KIRREL1: variants seen among roughly 807,000 people sequenced by gnomAD.
KIRREL1 encodes kin of IRRE-like protein 1.
In KIRREL1, 25 loss-of-function variants were observed where a neutral mutation model predicts 83.3. That is an observed-to-expected ratio of 0.30 (90% CI 0.22 to 0.42). The LOEUF is 0.42. Ranked by LOEUF, KIRREL1 falls within the 10% of genes least tolerant of loss-of-function variation. The pLI is 1.00. For synonymous variants in KIRREL1, 388 were observed against 410.4 expected, an observed-to-expected ratio of 0.95 and a Z score of 0.66; for missense variants, 812 against 1,032.3, an observed-to-expected ratio of 0.79 and a Z score of 2.92.
intron 1 of KIRREL1, among the ~76,000 whole-genome samples, chr1:158,036,105 GT>G (rs1377282365): frequency 1.3e-5 from 2 of 152,180 alleles, no homozygotes; most frequent in Admixed American, 1.3e-4. Flanking sequence ...AAGTGTTGTA[GT>G]TTGTTTGTGT....
At chr1:158,027,122 C>A (rs763675987) in intron 1 of KIRREL1, among the ~76,000 whole-genome samples, 3 of 152,198 alleles carry the variant, frequency 2.0e-5, no homozygotes, top group Admixed American at 2.0e-4. Context: ...GTTTTACCTG[C>A]GCTTCTGACT....
At chr1:158,080,973 C>T (rs571782134) in intron 3 of KIRREL1, among the ~76,000 whole-genome samples, 1 of 97,876 alleles carries the variant, frequency 1.0e-5, no homozygotes, top group African/African-American at 3.4e-5. Flanking sequence ...TATCAGCCTC[C>T]CTGCATGATG....
intron 1 of KIRREL1, among the ~76,000 whole-genome samples, chr1:158,061,644 G>A (rs1394204608): frequency 6.6e-6 from 1 of 152,160 alleles, no homozygotes; most frequent in African/African-American, 2.4e-5. Flanking sequence ...GTGGTTCTGA[G>A]GCTGAGATGT....
chr1:158,001,585 C>A lies in KIRREL1; in HGVS notation c.52+7857C>A, dbSNP rs567569083. Among the ~76,000 whole-genome samples, 5 of 152,222 alleles carry A rather than the reference C, an allele frequency of 3.3e-5. No homozygotes were observed. The East Asian group carries it at 9.7e-4, about 29-fold the overall frequency. Reference sequence around the variant, plus strand: ...TAGAGAGTCCAGAGAAGGGACTTTGCTGTGGGCTGAAGTGACCAGGAAGGG... The same window carrying A: ...TAGAGAGTCCAGAGAAGGGACTTTGATGTGGGCTGAAGTGACCAGGAAGGG... On this transcript the variant is annotated intron_variant, in intron 1 of 14. Coordinates refer to ENST00000359209, the MANE Select transcript of KIRREL1 (RefSeq NM_018240.7).
At chr1:158,056,475 C>T (rs1661064757) in intron 1 of KIRREL1, among the ~76,000 whole-genome samples, 1 of 152,206 alleles carries the variant, frequency 6.6e-6, no homozygotes. Flanking sequence ...AAGGCTGATG[C>T]TCATGACCAG....
intron 1 of KIRREL1, among the ~76,000 whole-genome samples, chr1:158,018,372 G>C (rs59269620): frequency 0.12 from 18,083 of 152,150 alleles, 1,595 homozygotes; most frequent in African/African-American, 0.24. Flanking sequence ...TGTGGGAACT[G>C]ATGTAGAGGG....
Position 158,088,315 on chromosome 1 carries a change from T to C in KIRREL1, c.917-12T>C, listed in dbSNP as rs747395601. On this transcript the variant is annotated splice_polypyrimidine_tract_variant and intron_variant, in intron 7 of 14. Transcript: ENST00000359209. Reference sequence around the variant, plus strand: ...TTGAGACCCTAACGAGTGGCTTCTTTCTCCCTCACAGTTGCTCCCCGGATT... The same window carrying C: ...TTGAGACCCTAACGAGTGGCTTCTTCCTCCCTCACAGTTGCTCCCCGGATT... The C allele has an allele frequency of 3.7e-6, 6 of 1,606,658 alleles. No homozygotes were observed. Among genetic ancestry groups the C allele is most frequent in the Middle Eastern group, 1.7e-4 (1 of 6,014 alleles).
At chr1:158,067,782 G>A (rs1473703060) in intron 1 of KIRREL1, among the ~76,000 whole-genome samples, 1 of 152,174 alleles carries the variant, frequency 6.6e-6, no homozygotes, top group Non-Finnish European at 1.5e-5. Flanking sequence ...CCTGCCTCTT[G>A]AGGTGACTAA....
chr1:158,070,772 G>A (rs1661489444), intron 1 of KIRREL1, among the ~76,000 whole-genome samples: 1 of 152,042 alleles, frequency 6.6e-6, no homozygotes, highest in South Asian at 2.1e-4. Context: ...ATGCTGGTGG[G>A]CGATTAGGGT....
At chr1:158,025,260 G>A (rs1367039521) in intron 1 of KIRREL1, among the ~76,000 whole-genome samples, 1 of 152,160 alleles carries the variant, frequency 6.6e-6, no homozygotes, top group Non-Finnish European at 1.5e-5. Context: ...CGGAGACACC[G>A]AGTGGAGCAA....
chr1:157,997,026 A>G (rs991476856), intron 1 of KIRREL1, among the ~76,000 whole-genome samples: 4 of 152,116 alleles, frequency 2.6e-5, no homozygotes, highest in Non-Finnish European at 5.9e-5. Context: ...CCCCCCTAGG[A>G]CCTCTTTACA....
chr1:158,012,520 T>C (rs754295539), intron 1 of KIRREL1, among the ~76,000 whole-genome samples: 2 of 152,238 alleles, frequency 1.3e-5, no homozygotes, highest in Non-Finnish European at 2.9e-5. Flanking sequence ...TTAGCTCTTA[T>C]TGTTAAATAC....
In KIRREL1 at chr1:158,099,222, C is replaced by T. The variant is rs1312924438; in HGVS notation, c.*4102C>T. ...GAATTGCCCAAAAGGATTAGTGAAG[C>T]TCCTGACCCTGGCGAGGCCATAATG... On this transcript the variant is annotated 3_prime_UTR_variant, in exon 15 of 15. Transcript: ENST00000359209. 7.2e-5 allele frequency: 11 copies of T among 152,250 alleles called. No homozygotes were observed. Among genetic ancestry groups the T allele is most frequent in the Admixed American group, 7.2e-4 (11 of 15,288 alleles). The allele number at this position is 152,250 out of a possible 1,614,324, so 9.4% of individuals were successfully genotyped here.
At chr1:158,081,797 C>T (rs1221263187) in intron 3 of KIRREL1, among the ~76,000 whole-genome samples, 1 of 152,112 alleles carries the variant, frequency 6.6e-6, no homozygotes, top group Admixed American at 6.5e-5. Context: ...AGACTGCTGG[C>T]AGAGGTGACA....
intron 1 of KIRREL1, among the ~76,000 whole-genome samples, chr1:158,024,137 C>A (rs938824809): frequency 6.6e-6 from 1 of 151,376 alleles, no homozygotes; most frequent in African/African-American, 2.4e-5. Context: ...TTGGTAGAGA[C>A]GGGGTTTCAC....
chr1:158,069,487 G>A (rs1045887233), intron 1 of KIRREL1, among the ~76,000 whole-genome samples: 3 of 152,158 alleles, frequency 2.0e-5, no homozygotes, highest in Non-Finnish European at 4.4e-5. Context: ...GCCTAGCTCT[G>A]GACCCCAGTG....
chr1:158,044,944 G>A (rs945928670), intron 1 of KIRREL1, among the ~76,000 whole-genome samples: 1 of 152,226 alleles, frequency 6.6e-6, no homozygotes, highest in Non-Finnish European at 1.5e-5. Flanking sequence ...GGAATCCGGA[G>A]TCTGGTGGGG....
intron 1 of KIRREL1, among the ~76,000 whole-genome samples, chr1:158,034,269 CAAA>C (rs750353894): frequency 1.8e-5 from 2 of 113,690 alleles, no homozygotes; most frequent in Admixed American, 1.9e-4. Context: ...GACTCCGTCT[CAAA>C]AAAAAAAAAA....
intron 1 of KIRREL1, among the ~76,000 whole-genome samples, chr1:158,069,343 T>TGTGA (rs773763665): frequency 6.8e-6 from 1 of 146,582 alleles, no homozygotes; most frequent in African/African-American, 2.6e-5. Flanking sequence ...TGTGTGTGTG[T>TGTGA]GAATCTAAGC....
Sources: allele counts gnomAD v4.1 joint callset (sites outside exome capture counted in the v4.1 genomes callset), GRCh38; gene constraint gnomAD v4.1.1; transcripts MANE v1.5; gene names NCBI Gene and HGNC (gene_info 2026-07-23, HGNC 2026-07-21).